The following SMYD3 variants were observed in gnomAD, a reference collection of about 807,000 sequenced individuals.
SMYD3 encodes histone-lysine N-methyltransferase SMYD3.
Under a neutral mutation model 57.7 loss-of-function variants are expected in SMYD3, and 36 were observed. The observed-to-expected ratio is 0.62, with a 90% CI of 0.48 to 0.82. The LOEUF (loss-of-function observed/expected upper bound fraction) is 0.82. Among genes scored for constraint, SMYD3 ranks in the 40% least tolerant of loss-of-function variants. The probability of loss-of-function intolerance (pLI) is 0.00; values close to 1 mark genes in which losing one functional copy is unlikely to be tolerated. For missense variants in SMYD3, 515 were observed against 538.8 expected (o/e 0.96, Z 0.44); for synonymous variants, 211 against 195.0 (o/e 1.08, Z -0.68).
chr1:245,930,000 G>T, intron 5 of SMYD3, 63 bp from the exon 6 acceptor site: 1 of 1,468,116 alleles, frequency 6.8e-7, no homozygotes, highest in South Asian at 1.1e-5. Flanking sequence ...ATAGCCAAGA[G>T]AATAAAAAAC....
At chr1:246,298,500 G>A (rs1415255309) in intron 5 of SMYD3, among the ~76,000 whole-genome samples, 1 of 152,062 alleles carries the variant, frequency 6.6e-6, no homozygotes, top group Non-Finnish European at 1.5e-5. Context: ...GTTATTATAG[G>A]AGCTGCCACA....
chr1:246,284,578 G>A (rs1361585909), intron 5 of SMYD3, among the ~76,000 whole-genome samples: 10 of 151,608 alleles, frequency 6.6e-5, no homozygotes, highest in Admixed American at 5.9e-4. Context: ...CACCACACCC[G>A]GCTAATTTTT....
At chr1:245,783,842 C>T (rs2046930900) in intron 10 of SMYD3, among the ~76,000 whole-genome samples, 1 of 152,038 alleles carries the variant, frequency 6.6e-6, no homozygotes, top group African/African-American at 2.4e-5. Context: ...CTAAAAATAC[C>T]ATGTACAGTA....
At chr1:246,245,133 T>G (rs2063680256) in intron 5 of SMYD3, among the ~76,000 whole-genome samples, 1 of 151,492 alleles carries the variant, frequency 6.6e-6, no homozygotes, top group Non-Finnish European at 1.5e-5. Context: ...TTTTTTTTTT[T>G]TTTTTTTTAG....
chr1:246,471,007 G>T (rs896621113), intron 1 of SMYD3, among the ~76,000 whole-genome samples: 1 of 152,042 alleles, frequency 6.6e-6, no homozygotes, highest in Non-Finnish European at 1.5e-5. Flanking sequence ...GTGGGGGGTG[G>T]TGTGTATAGA....
At chr1:246,057,268 C>G (rs2060168009) in intron 5 of SMYD3, among the ~76,000 whole-genome samples, 1 of 152,122 alleles carries the variant, frequency 6.6e-6, no homozygotes, top group Non-Finnish European at 1.5e-5. Context: ...TATAGTCTAC[C>G]TATAACAGCT....
At chr1:246,232,001 C>G (rs867042757) in intron 5 of SMYD3, among the ~76,000 whole-genome samples, 2 of 152,158 alleles carry the variant, frequency 1.3e-5, no homozygotes, top group African/African-American at 4.8e-5. Context: ...AGACCACAGT[C>G]CAGGAGAAGC....
Position 245,920,312 on chromosome 1 carries a change from C to CA in SMYD3, c.703-4673dup, listed in dbSNP as rs142636842. Among the ~76,000 whole-genome samples the CA allele has an allele frequency of 1.4e-3, 114 of 82,254 alleles. 3 individuals carry two copies. Among genetic ancestry groups the CA allele is most frequent in the African/African-American group, 4.5e-3 (102 of 22,718 alleles). The allele number at this position is 82,254 out of a possible 152,430, so 54.0% of individuals were successfully genotyped here. A position where few individuals can be genotyped will look rare whatever the true frequency, so the allele number is the denominator to read the frequency against. On this transcript the variant is annotated intron_variant, in intron 7 of 11. Transcript: ENST00000490107. ...TGGGCGACAGAGCGAGACTCCGTCT[C>CA]AAAAAAAAAAAAAAAAAAAAAAAAA...
At chr1:246,462,320 A>G (rs1018611390) in intron 1 of SMYD3, among the ~76,000 whole-genome samples, 1 of 151,046 alleles carries the variant, frequency 6.6e-6, no homozygotes, top group Non-Finnish European at 1.5e-5. Context: ...GGTATAGTGA[A>G]TTCTCCCGTG....
At chr1:246,085,373 T>C (rs554416100) in intron 5 of SMYD3, among the ~76,000 whole-genome samples, 1 of 152,084 alleles carries the variant, frequency 6.6e-6, no homozygotes, top group African/African-American at 2.4e-5. Context: ...TTTGGCATAT[T>C]AGATATTTTA....
At chr1:246,018,926 G>A (rs151302619) in intron 5 of SMYD3, among the ~76,000 whole-genome samples, 43 of 152,250 alleles carry the variant, frequency 2.8e-4, no homozygotes, top group African/African-American at 8.9e-4. Context: ...ATTAGTTTAC[G>A]CTGTATGTGT....
intron 5 of SMYD3, among the ~76,000 whole-genome samples, chr1:246,269,737 T>A (rs2064182977): frequency 6.6e-6 from 1 of 151,888 alleles, no homozygotes; most frequent in Admixed American, 6.6e-5. Context: ...TGGCTCATTT[T>A]AAAAAAAATC....
chr1:246,012,019 T>C (rs2059290975), intron 5 of SMYD3, among the ~76,000 whole-genome samples: 1 of 152,210 alleles, frequency 6.6e-6, no homozygotes, highest in African/African-American at 2.4e-5. Context: ...AATTGCTTGC[T>C]GGTACTGGCT....
At chr1:245,767,077 G>A (rs1467702055) in intron 10 of SMYD3, among the ~76,000 whole-genome samples, 2 of 152,202 alleles carry the variant, frequency 1.3e-5, no homozygotes, top group East Asian at 1.9e-4. Flanking sequence ...GCTCACTCCT[G>A]CTGGGAGACA....
chr1:246,303,839 A>G (rs187414629), intron 5 of SMYD3, among the ~76,000 whole-genome samples: 33 of 152,346 alleles, frequency 2.2e-4, no homozygotes, highest in African/African-American at 7.2e-4. Flanking sequence ...TTGCTAGCAC[A>G]GAAGATGCAC....
chr1:245,760,850 A>G (rs2045814769), intron 11 of SMYD3, among the ~76,000 whole-genome samples: 1 of 152,222 alleles, frequency 6.6e-6, no homozygotes. Context: ...TCAGAACAAG[A>G]GTTCCTGTAA....
At chr1:245,853,455 A>G (rs1276676945) in intron 10 of SMYD3, among the ~76,000 whole-genome samples, 1 of 152,170 alleles carries the variant, frequency 6.6e-6, no homozygotes, top group Non-Finnish European at 1.5e-5. Flanking sequence ...CTCCCACTGT[A>G]ATACGCACCT....
chr1:246,487,989 T>C (rs1227717133), intron 1 of SMYD3, among the ~76,000 whole-genome samples: 1 of 152,132 alleles, frequency 6.6e-6, no homozygotes, highest in Non-Finnish European at 1.5e-5. Flanking sequence ...CCACCACGCC[T>C]GGCCCTCCCT....
chr1:246,375,244 T>C (rs1363631545), intron 1 of SMYD3, among the ~76,000 whole-genome samples: 1 of 151,968 alleles, frequency 6.6e-6, no homozygotes, highest in East Asian at 1.9e-4. Context: ...GGCTCAGTAT[T>C]GGCTAATTCA....
Sources: allele counts gnomAD v4.1 joint callset (sites outside exome capture counted in the v4.1 genomes callset), GRCh38; gene constraint gnomAD v4.1.1; transcripts MANE v1.5; gene names NCBI Gene and HGNC (gene_info 2026-07-23, HGNC 2026-07-21).